ZNF236: variants seen among roughly 807,000 people sequenced by gnomAD.
ZNF236 encodes the protein zinc finger protein 236.
ZNF236 carries 50 observed loss-of-function variants against 191.2 expected under a neutral mutation model. The ratio of observed to expected loss-of-function variants is 0.26; its 90% CI spans 0.21 to 0.33. The LOEUF is 0.33. ZNF236 is among the 10% of genes least tolerant of loss of function. The pLI, the probability that ZNF236 is intolerant of heterozygous loss-of-function variation, is 1.00. For synonymous variants in ZNF236, 907 were observed against 928.8 expected (o/e 0.98, Z 0.43); for missense variants, 1,754 against 2,374.5 (o/e 0.74, Z 5.43).
chr18:76,972,659 A>G lies in ZNF236; in HGVS notation c.*4320A>G, dbSNP rs1437542839. On this transcript the variant is annotated 3_prime_UTR_variant, in exon 31 of 31. Coordinates refer to ENST00000320610, the MANE Select transcript of ZNF236 (RefSeq NM_001306089.2). Reference sequence around the variant, plus strand: ...CGTATTCTATCAATATTTGTATCATAATTGACAAATTCTCAAGTGACATAG... The same window carrying G: ...CGTATTCTATCAATATTTGTATCATGATTGACAAATTCTCAAGTGACATAG... Among the ~76,000 whole-genome samples, 1 of 152,230 alleles carries G rather than the reference A, an allele frequency of 6.6e-6. No individual in the cohort carries two copies. The highest frequency in any genetic ancestry group is 1.9e-4 in the East Asian group (1 of 5,202).
intron 3 of ZNF236, among the ~76,000 whole-genome samples, chr18:76,860,649 C>G (rs1407928497): frequency 2.0e-5 from 3 of 152,158 alleles, no homozygotes; most frequent in African/African-American, 7.2e-5. Context: ...CTTTGTGCAG[C>G]CTACTCTCAT....
At chr18:76,949,833 AT>A (rs1968359346) in intron 27 of ZNF236, among the ~76,000 whole-genome samples, 1 of 151,650 alleles carries the variant, frequency 6.6e-6, no homozygotes, top group African/African-American at 2.4e-5. Flanking sequence ...TAATTTTTGT[AT>A]TTTTAGTAGA....
chr18:76,835,013 T>C (rs1015154251), intron 1 of ZNF236: 1 of 167,628 alleles, frequency 6.0e-6, no homozygotes, highest in Non-Finnish European at 1.3e-5. Context: ...TTGATATGGA[T>C]ACTGAACTAA....
chr18:76,837,121 A>ACCCCCCC (rs1257822007), intron 1 of ZNF236, among the ~76,000 whole-genome samples: 12 of 32,764 alleles, frequency 3.7e-4, no homozygotes, highest in South Asian at 2.4e-3. Context: ...AGTGATCCGC[A>ACCCCCCC]CCCCCTCCCC....
intron 3 of ZNF236, among the ~76,000 whole-genome samples, chr18:76,854,148 ACAT>A (rs1975971367): frequency 6.6e-6 from 1 of 152,186 alleles, no homozygotes; most frequent in Admixed American, 6.5e-5. Context: ...ATATACCAAA[ACAT>A]CATGTGGTAC....
At chr18:76,963,469 C>T (rs28815230) in intron 30 of ZNF236, among the ~76,000 whole-genome samples, 1,570 of 152,192 alleles carry the variant, frequency 0.01, 27 homozygotes, top group African/African-American at 0.036. Context: ...GTGCTGGATT[C>T]GGTTAGCTAG....
intron 1 of ZNF236, among the ~76,000 whole-genome samples, chr18:76,831,103 C>T (rs1975157428): frequency 6.6e-6 from 1 of 150,902 alleles, no homozygotes; most frequent in Non-Finnish European, 1.5e-5. Flanking sequence ...GCCCATCATT[C>T]GCATTAGGAT....
intron 14 of ZNF236, 34 bp downstream of exon 14, chr18:76,908,607 C>T: frequency 6.4e-7 from 1 of 1,572,330 alleles, no homozygotes; most frequent in Non-Finnish European, 8.6e-7. Context: ...TTTGAGTGAT[C>T]CCAGCAGAGT....
chr18:76,844,629 T>C (rs974133079), intron 1 of ZNF236, among the ~76,000 whole-genome samples: 6 of 152,240 alleles, frequency 3.9e-5, no homozygotes, highest in African/African-American at 1.4e-4. Flanking sequence ...TTAAGATTTA[T>C]GGATAACTGA....
chr18:76,826,007 A>G (rs1456852344), intron 1 of ZNF236, among the ~76,000 whole-genome samples: 1 of 152,208 alleles, frequency 6.6e-6, no homozygotes, highest in African/African-American at 2.4e-5. Context: ...TCGTAAGTGA[A>G]GTGGTTTTAT....
At position 76,968,310 on chromosome 18, in the gene ZNF236, G is replaced by A. The variant is rs761914748; in HGVS notation, c.5515G>A (p.Glu1839Lys). The A allele has an allele frequency of 1.2e-6, 2 of 1,608,906 alleles. No homozygotes were observed. Among genetic ancestry groups the A allele is most frequent in the Non-Finnish European group, 1.7e-6 (2 of 1,178,670 alleles). The change falls in exon 31 of 31, where the codon GAG (glutamate) becomes AAG (lysine). Residue 1839 changes from glutamate to lysine, a missense_variant. By Grantham distance (56) the Glu-to-Lys change is moderately conservative. Transcript: ENST00000320610. ...GGAGGTGGTGCAGGAGGCCGCCGGC[G>A]AGTGGCAGGCCCTCACCCACGTCTT... is the stretch of plus-strand genomic sequence containing the variant. ...LEEVVQEAAG[E>K]WQALTHVF
At chr18:76,836,506 A>G (rs1485470095) in intron 1 of ZNF236, among the ~76,000 whole-genome samples, 3 of 152,116 alleles carry the variant, frequency 2.0e-5, no homozygotes, top group East Asian at 1.9e-4. Flanking sequence ...GTGAGCTACC[A>G]TGCCTGGCCC....
intron 9 of ZNF236, among the ~76,000 whole-genome samples, chr18:76,889,372 A>G (rs1394199823): frequency 6.6e-6 from 1 of 152,166 alleles, no homozygotes; most frequent in Non-Finnish European, 1.5e-5. Context: ...GCTTGGTTAC[A>G]CTGCCCTACC....
At chr18:76,847,952 T>C (rs140945130) in intron 1 of ZNF236, among the ~76,000 whole-genome samples, 29 of 152,352 alleles carry the variant, frequency 1.9e-4, no homozygotes, top group African/African-American at 6.5e-4. Context: ...GAAGTTGCAG[T>C]CTTTTGAATT....
chr18:76,878,562 A>G (rs1976781151), intron 7 of ZNF236, among the ~76,000 whole-genome samples: 1 of 152,140 alleles, frequency 6.6e-6, no homozygotes, highest in Non-Finnish European at 1.5e-5. Context: ...CAGTACATGT[A>G]GTTAAAAATT....
At chr18:76,832,820 C>T (rs1040722936) in intron 1 of ZNF236, among the ~76,000 whole-genome samples, 1 of 152,018 alleles carries the variant, frequency 6.6e-6, no homozygotes, top group Non-Finnish European at 1.5e-5. Flanking sequence ...GTGGGTGGAA[C>T]TAATGTCTTT....
intron 25 of ZNF236, among the ~76,000 whole-genome samples, chr18:76,928,894 C>G (rs534835575): frequency 2.6e-5 from 4 of 151,532 alleles, no homozygotes; most frequent in African/African-American, 9.7e-5. Context: ...CTAGTAACTT[C>G]CACAGATATT....
At chr18:76,915,359 CTG>C (rs528144061) in intron 18 of ZNF236, among the ~76,000 whole-genome samples, 162 of 152,304 alleles carry the variant, frequency 1.1e-3, no homozygotes, top group African/African-American at 3.5e-3. Context: ...GTTTTGAAGA[CTG>C]TGACTTCACA....
At chr18:76,833,693 T>C (rs1456388811) in intron 1 of ZNF236, among the ~76,000 whole-genome samples, 1 of 152,198 alleles carries the variant, frequency 6.6e-6, no homozygotes, top group African/African-American at 2.4e-5. Context: ...AGTATTTTGC[T>C]GGCTTCATAA....
Sources: allele counts gnomAD v4.1 joint callset (sites outside exome capture counted in the v4.1 genomes callset), GRCh38; gene constraint gnomAD v4.1.1; transcripts MANE v1.5; gene names NCBI Gene and HGNC (gene_info 2026-07-23, HGNC 2026-07-21).